ZNF469: variants seen among roughly 807,000 people sequenced by gnomAD.
The protein encoded by ZNF469 is zinc finger protein 469.
In ZNF469, 1 loss-of-function variant was observed where a neutral mutation model predicts 1.0. The ratio of observed to expected loss-of-function variants is 1.00; its 90% CI spans 0.35 to 4.73. The LOEUF is 4.73. Among genes scored for constraint, ZNF469 ranks in the 30% most tolerant of loss-of-function variants. ZNF469 has a pLI of 0.16. For missense variants in ZNF469, 6,100 were observed against 5,356.3 expected, an observed-to-expected ratio of 1.14 and a Z score of -4.33; for synonymous variants, 2,703 against 2,363.4, an observed-to-expected ratio of 1.14 and a Z score of -4.17.
the ZNF469 span, among the ~76,000 whole-genome samples, chr16:88,154,685 G>A: frequency 6.6e-6 from 1 of 152,230 alleles, no homozygotes; most frequent in African/African-American, 2.4e-5. Flanking sequence ...TCGCTATTTT[G>A]TGAGCTGCAT....
chr16:88,234,531 C>A, the ZNF469 span, among the ~76,000 whole-genome samples: 4 of 152,200 alleles, frequency 2.6e-5, no homozygotes, highest in African/African-American at 9.7e-5. Context: ...GGGGCTGGCT[C>A]CAGCCTCGCA....
intron 1 of ZNF469, among the ~76,000 whole-genome samples, chr16:88,416,383 G>C (rs1597199902): frequency 6.6e-6 from 1 of 152,166 alleles, no homozygotes; most frequent in East Asian, 1.9e-4. Flanking sequence ...TGTGAGATGG[G>C]CCTGCTGGGG....
At chr16:88,167,418 G>T in the ZNF469 span, among the ~76,000 whole-genome samples, 5 of 152,174 alleles carry the variant, frequency 3.3e-5, no homozygotes, top group African/African-American at 9.7e-5. Flanking sequence ...ATTGCAAGAA[G>T]AATCTCCTTG....
chr16:88,204,032 AATGGGAGGT>A, the ZNF469 span, among the ~76,000 whole-genome samples: 2 of 143,164 alleles, frequency 1.4e-5, no homozygotes, highest in East Asian at 5.7e-4. Context: ...CCCATAGAGC[AATGGGAGGT>A]GCCCCGTAAC....
At chr16:88,271,458 G>A in the ZNF469 span, among the ~76,000 whole-genome samples, 9 of 139,170 alleles carry the variant, frequency 6.5e-5, no homozygotes, top group South Asian at 4.5e-4. Context: ...CACAGTGGGC[G>A]GACTGGCTTC....
upstream of ZNF469, among the ~76,000 whole-genome samples, chr16:88,381,177 G>A (rs1464410621): frequency 2.9e-5 from 2 of 68,522 alleles, no homozygotes; most frequent in African/African-American, 7.4e-5. Flanking sequence ...CTCACACACA[G>A]ACATGCACTC....
the ZNF469 span, among the ~76,000 whole-genome samples, chr16:88,317,158 G>T: frequency 6.6e-6 from 1 of 152,234 alleles, no homozygotes; most frequent in African/African-American, 2.4e-5. Flanking sequence ...CAGGGCTGAA[G>T]CCCTTTCCCC....
At chr16:88,343,264 A>T in the ZNF469 span, among the ~76,000 whole-genome samples, 1 of 152,294 alleles carries the variant, frequency 6.6e-6, no homozygotes, top group Admixed American at 6.5e-5. Context: ...TAAACATGGT[A>T]TGGGGTTGTA....
At chr16:88,110,866 A>C in the ZNF469 span, among the ~76,000 whole-genome samples, 4 of 152,326 alleles carry the variant, frequency 2.6e-5, 1 homozygote, top group Non-Finnish European at 5.9e-5. Flanking sequence ...TCGCTGGAGA[A>C]ATGCGTCTGC....
chr16:88,212,049 C>T, the ZNF469 span, among the ~76,000 whole-genome samples: 1 of 152,164 alleles, frequency 6.6e-6, no homozygotes, highest in African/African-American at 2.4e-5. Flanking sequence ...AATTCAGTTG[C>T]CTTGCTTTGT....
At chr16:88,116,595 G>T in the ZNF469 span, among the ~76,000 whole-genome samples, 1,594 of 152,278 alleles carry the variant, frequency 0.01, 29 homozygotes, top group African/African-American at 0.035. Flanking sequence ...CAACCCAAGC[G>T]TCCTTCAGTG....
Position 88,437,265 on chromosome 16 carries a change from C to A in ZNF469, c.9795C>A (p.Asp3265Glu), listed in dbSNP as rs1906654346. The change falls in exon 3 of 3, where the codon GAC becomes GAA. Residue 3265 changes from aspartate to glutamate, a missense_variant. Coordinates refer to ENST00000565624, the MANE Select transcript of ZNF469 (RefSeq NM_001367624.2). ...GGCAAGAGGGAGAAGCCAAGAAAGA[C>A]AGCCCGGGCGAGAGGGCGAAACCCC... ...PWGQEGEAKK[D>E]SPGERAKPRA... is the part of the protein sequence containing the mutation. The A allele has an allele frequency of 6.5e-7, 1 of 1,548,598 alleles. No homozygotes were observed. The highest frequency in any genetic ancestry group is 8.7e-7 in the Non-Finnish European group (1 of 1,146,064).
rs759325304 is a variant in ZNF469, at chr16:88,435,115, G to A, written c.7645G>A (p.Val2549Ile). ...PNHSRGDPSHVTQPPPAQGSK... is the reference protein window; with the variant it reads ...PNHSRGDPSHITQPPPAQGSK... ...TCACTCACGGGGAGACCCCAGCCAC[G>A]TCACCCAGCCACCGCCTGCCCAGGG... Residue 2549 changes from valine to isoleucine, a missense_variant, in exon 3 of 3, where the codon GTC (valine) becomes ATC (isoleucine). By Grantham distance (29) the Val-to-Ile change is conservative. Coordinates refer to ENST00000565624, the MANE Select transcript of ZNF469 (RefSeq NM_001367624.2). 1.2e-4 allele frequency: 190 copies of A among 1,550,226 alleles called. 1 individual carries two copies. The highest frequency in any genetic ancestry group is 1.6e-4 in the Non-Finnish European group (178 of 1,146,984).
the ZNF469 span, among the ~76,000 whole-genome samples, chr16:88,289,793 G>A: frequency 2.0e-3 from 300 of 152,304 alleles, 1 homozygote; most frequent in African/African-American, 6.5e-3. Context: ...TGGCAGATGC[G>A]CATGGTAGGA....
At chr16:88,343,476 G>A in the ZNF469 span, among the ~76,000 whole-genome samples, 1 of 152,188 alleles carries the variant, frequency 6.6e-6, no homozygotes, top group Non-Finnish European at 1.5e-5. Flanking sequence ...AGCAGAGTGT[G>A]TGTCTTAGTC....
the ZNF469 span, among the ~76,000 whole-genome samples, chr16:88,227,031 T>C: frequency 6.9e-6 from 1 of 144,872 alleles, no homozygotes; most frequent in African/African-American, 2.6e-5. Context: ...CCTGCGCGTT[T>C]CCACCCGTGC....
the ZNF469 span, among the ~76,000 whole-genome samples, chr16:88,360,597 C>G: frequency 8.3e-6 from 1 of 119,956 alleles, no homozygotes; most frequent in African/African-American, 3.7e-5. Flanking sequence ...CAGTCCACCC[C>G]CAGACAGCGC....
At chr16:88,415,240 G>T (rs981498377) in intron 1 of ZNF469, among the ~76,000 whole-genome samples, 4 of 152,186 alleles carry the variant, frequency 2.6e-5, no homozygotes, top group Non-Finnish European at 5.9e-5. Flanking sequence ...TGTCAGGCCA[G>T]TGCCGGTCAC....
chr16:88,239,162 G>A, the ZNF469 span, among the ~76,000 whole-genome samples: 1 of 152,098 alleles, frequency 6.6e-6, no homozygotes, highest in African/African-American at 2.4e-5. Flanking sequence ...AGGGAGGTGG[G>A]GTTGTGCCGA....
Sources: gnomAD v4.1 joint callset for allele counts (sites outside exome capture counted in the v4.1 genomes callset) on GRCh38, gnomAD v4.1.1 for gene constraint, MANE v1.5 for transcripts, NCBI Gene and HGNC (gene_info 2026-07-23, HGNC 2026-07-21) for gene names.